RB1CC1: variants seen among roughly 807,000 people sequenced by gnomAD.
RB1CC1 encodes the protein RB1-inducible coiled-coil protein 1.
In RB1CC1, 46 loss-of-function variants were observed where a neutral mutation model predicts 177.5. The ratio of observed to expected loss-of-function variants is 0.26; its 90% CI spans 0.20 to 0.33. The LOEUF (loss-of-function observed/expected upper bound fraction) is 0.33. Ranked by LOEUF, RB1CC1 falls within the 10% of genes least tolerant of loss-of-function variation. RB1CC1 has a pLI of 1.00. For missense variants in RB1CC1, 1,703 were observed against 1,816.3 expected, an observed-to-expected ratio of 0.94 and a Z score of 1.13; for synonymous variants, 666 against 613.6, an observed-to-expected ratio of 1.09 and a Z score of -1.26.
chr8:52,672,983 T>C (rs1852747492), intron 7 of RB1CC1, among the ~76,000 whole-genome samples: 1 of 152,214 alleles, frequency 6.6e-6, no homozygotes, highest in African/African-American at 2.4e-5. Flanking sequence ...AGAAACTGGA[T>C]ACTGAAAGAA....
chr8:52,661,408 T>C, intron 9 of RB1CC1, 127 bp from the exon 10 acceptor site: 1 of 1,457,126 alleles, frequency 6.9e-7, no homozygotes, highest in Non-Finnish European at 9.3e-7. Context: ...AAAAATAGTC[T>C]AATTCCAAAG....
chr8:52,713,904 A>T (rs1477922163), intron 1 of RB1CC1, among the ~76,000 whole-genome samples, 171 bp downstream of exon 1: 1 of 151,886 alleles, frequency 6.6e-6, no homozygotes, highest in African/African-American at 2.4e-5. Context: ...AGTGGGCAAC[A>T]CCTGCCGGGG....
At chr8:52,646,052 T>C (rs1849992698) in intron 15 of RB1CC1, among the ~76,000 whole-genome samples, 185 bp from the exon 16 acceptor site, 1 of 152,184 alleles carries the variant, frequency 6.6e-6, no homozygotes, top group African/African-American at 2.4e-5. Context: ...ACAGATTAGA[T>C]GCTGACACTA....
intron 1 of RB1CC1, among the ~76,000 whole-genome samples, chr8:52,691,729 A>T (rs1298466031): frequency 1.3e-5 from 2 of 152,196 alleles, no homozygotes; most frequent in South Asian, 4.1e-4. Context: ...ATCCTCACTA[A>T]CTGCCAGCTA....
rs200178453 is a variant in RB1CC1 at position 52,683,620 on chromosome 8, T to C, written c.298A>G (p.Ile100Val). 1.1e-4 allele frequency: 178 copies of C among 1,612,938 alleles called. No individual in the cohort carries two copies. The highest frequency in any genetic ancestry group is 1.1e-5 in the Non-Finnish European group (13 of 1,179,636). ...ATCATAAGAGATTCTTCAACTTTTA[T>C]TTCCATGTCATTTTCTGTCGAAAAG... ...TTFSTENDME[I>V]KVEESLMMPA... Residue 100 changes from isoleucine (I) to valine (V), a missense_variant, in exon 5 of 24, where the codon ATA (isoleucine) becomes GTA (valine). By Grantham distance (29) the Ile-to-Val change is conservative. Transcript: ENST00000025008.
chr8:52,635,110 C>A (rs1029210236), intron 19 of RB1CC1, 142 bp from the exon 20 acceptor site: 1 of 703,628 alleles, frequency 1.4e-6, no homozygotes, highest in South Asian at 1.8e-5. Context: ...TCTATGAATT[C>A]TTTCCAAATG....
At chr8:52,671,553 G>A (rs1852604953) in intron 7 of RB1CC1, among the ~76,000 whole-genome samples, 1 of 152,168 alleles carries the variant, frequency 6.6e-6, no homozygotes, top group Non-Finnish European at 1.5e-5. Flanking sequence ...GTACTCCTGA[G>A]AGGAGAAAAA....
At chr8:52,627,069 C>T (rs1848447628) in intron 22 of RB1CC1, among the ~76,000 whole-genome samples, 1 of 150,946 alleles carries the variant, frequency 6.6e-6, no homozygotes, top group Non-Finnish European at 1.5e-5. Flanking sequence ...AAAAAAAAGG[C>T]CGGGTACGGT....
chr8:52,682,322 T>G (rs1463299231), intron 5 of RB1CC1, among the ~76,000 whole-genome samples: 2 of 152,164 alleles, frequency 1.3e-5, no homozygotes, highest in Non-Finnish European at 1.5e-5. Context: ...CGAGGCCTCT[T>G]CAGCCACGAG....
intron 2 of RB1CC1, chr8:52,686,100 C>T (rs1854254004): frequency 6.6e-6 from 1 of 152,264 alleles, no homozygotes; most frequent in Admixed American, 6.5e-5. Flanking sequence ...CTACACTGAG[C>T]AAGAAATCCT....
intron 22 of RB1CC1, among the ~76,000 whole-genome samples, chr8:52,626,111 GT>G (rs1341092175): frequency 6.6e-6 from 1 of 152,084 alleles, no homozygotes; most frequent in African/African-American, 2.4e-5. Context: ...ATAAATGCTT[GT>G]ATGATGCCAG....
chr8:52,642,165 G>A (rs189012392), intron 18 of RB1CC1, among the ~76,000 whole-genome samples, 186 bp downstream of exon 18: 2 of 152,048 alleles, frequency 1.3e-5, no homozygotes, highest in African/African-American at 4.8e-5. Context: ...TAGTATGAGA[G>A]TACCCCAAAA....
chr8:52,712,770 A>G (rs750552470), intron 1 of RB1CC1, among the ~76,000 whole-genome samples: 90 of 152,252 alleles, frequency 5.9e-4, no homozygotes, highest in Non-Finnish European at 1.2e-4. Flanking sequence ...CACAAACATT[A>G]AAAGACATGA....
chr8:52,639,117 A>C (rs887989714), intron 18 of RB1CC1, among the ~76,000 whole-genome samples: 1 of 151,620 alleles, frequency 6.6e-6, no homozygotes, highest in Non-Finnish European at 1.5e-5. Context: ...TATTGTTAGA[A>C]TTTTAATTGA....
chr8:52,647,583 T>A (rs1422287156), intron 15 of RB1CC1, among the ~76,000 whole-genome samples: 1 of 152,126 alleles, frequency 6.6e-6, no homozygotes, highest in Admixed American at 6.5e-5. Context: ...AAAATAGGTA[T>A]AGGCAGGGTT....
At chr8:52,689,759 G>C (rs747425675) in intron 1 of RB1CC1, among the ~76,000 whole-genome samples, 1 of 152,002 alleles carries the variant, frequency 6.6e-6, no homozygotes, top group East Asian at 1.9e-4. Flanking sequence ...AGTTTTCCAC[G>C]CTTAGGATTC....
At chr8:52,689,993 G>C (rs539112875) in intron 1 of RB1CC1, among the ~76,000 whole-genome samples, 28 of 152,238 alleles carry the variant, frequency 1.8e-4, no homozygotes, top group Admixed American at 1.6e-3. Flanking sequence ...TCATAAATGT[G>C]ATACTTTCTA....
At chr8:52,702,111 ACTAT>A (rs1856132380) in intron 1 of RB1CC1, among the ~76,000 whole-genome samples, 1 of 152,048 alleles carries the variant, frequency 6.6e-6, no homozygotes, top group South Asian at 2.1e-4. Flanking sequence ...CACAGCCAAA[ACTAT>A]CTATTTCTAT....
At chr8:52,682,159 C>G (rs775126651) in intron 5 of RB1CC1, among the ~76,000 whole-genome samples, 11 of 152,178 alleles carry the variant, frequency 7.2e-5, no homozygotes, top group Non-Finnish European at 2.9e-5. Context: ...GAACCCACCT[C>G]TTGTATTAGT....
Sources: allele counts gnomAD v4.1 joint callset (sites outside exome capture counted in the v4.1 genomes callset), GRCh38; gene constraint gnomAD v4.1.1; transcripts MANE v1.5; gene names NCBI Gene and HGNC (gene_info 2026-07-23, HGNC 2026-07-21).